Variants in KCNJ3 observed in about 807,000 individuals in gnomAD.
KCNJ3 encodes the protein G protein-activated inward rectifier potassium channel 1.
In KCNJ3, 4 loss-of-function variants were observed where a neutral mutation model predicts 39.2. The ratio of observed to expected loss-of-function variants is 0.10; its 90% CI spans 0.05 to 0.23. The LOEUF (loss-of-function observed/expected upper bound fraction) is 0.23. KCNJ3 is among the 10% of genes least tolerant of loss of function. The pLI, the probability that KCNJ3 is intolerant of heterozygous loss-of-function variation, is 1.00. For missense variants in KCNJ3, 276 were observed against 634.9 expected, an observed-to-expected ratio of 0.43 and a Z score of 6.08; for synonymous variants, 230 against 237.4, an observed-to-expected ratio of 0.97 and a Z score of 0.29.
intron 2 of KCNJ3, among the ~76,000 whole-genome samples, chr2:154,728,126 A>G (rs1480233056): frequency 6.6e-6 from 1 of 151,872 alleles, no homozygotes; most frequent in Admixed American, 6.6e-5. Flanking sequence ...TCTTCTTTTG[A>G]TTATATCAAA....
intron 2 of KCNJ3, among the ~76,000 whole-genome samples, chr2:154,799,262 C>T (rs1396776385): frequency 6.6e-6 from 1 of 152,078 alleles, no homozygotes; most frequent in Non-Finnish European, 1.5e-5. Context: ...CTCCCCGTAG[C>T]TGGGATAGCT....
intron 2 of KCNJ3, among the ~76,000 whole-genome samples, chr2:154,739,974 G>A (rs558242278): frequency 9.9e-4 from 150 of 152,036 alleles, no homozygotes; most frequent in Non-Finnish European, 1.8e-3. Context: ...GAGAAGCAGT[G>A]GGGTATAGAA....
intron 2 of KCNJ3, among the ~76,000 whole-genome samples, chr2:154,743,828 G>GT (rs1163508477): frequency 2.7e-5 from 4 of 150,388 alleles, no homozygotes; most frequent in Admixed American, 6.7e-5. Context: ...TTTTGTTTTT[G>GT]TTTTTTTTCT....
At chr2:154,752,383 A>T (rs1322930409) in intron 2 of KCNJ3, among the ~76,000 whole-genome samples, 1 of 152,060 alleles carries the variant, frequency 6.6e-6, no homozygotes, top group Non-Finnish European at 1.5e-5. Context: ...AGATGAATAT[A>T]TCTAAGAAAG....
At chr2:154,778,657 T>C (rs574756915) in intron 2 of KCNJ3, among the ~76,000 whole-genome samples, 1 of 152,320 alleles carries the variant, frequency 6.6e-6, no homozygotes, top group South Asian at 2.1e-4. Context: ...GGAACTGAGA[T>C]AATTTTTATT....
chr2:154,811,038 G>A (rs907569813), intron 2 of KCNJ3, among the ~76,000 whole-genome samples: 2 of 152,186 alleles, frequency 1.3e-5, no homozygotes, highest in Non-Finnish European at 2.9e-5. Context: ...GTTTGTTCCT[G>A]TGTGGGATAA....
At chr2:154,700,577 C>T (rs1357542789) in intron 1 of KCNJ3, among the ~76,000 whole-genome samples, 3 of 152,130 alleles carry the variant, frequency 2.0e-5, no homozygotes, top group Non-Finnish European at 4.4e-5. Flanking sequence ...AGAACTGAAG[C>T]CAGAGTCTGA....
chr2:154,815,076 T>C (rs1687060211), intron 2 of KCNJ3, among the ~76,000 whole-genome samples: 1 of 152,232 alleles, frequency 6.6e-6, no homozygotes, highest in South Asian at 2.1e-4. Context: ...TAGCTGCTCC[T>C]ATCCCTAGGA....
intron 1 of KCNJ3, chr2:154,709,295 A>T (rs1685064415): frequency 2.3e-5 from 9 of 395,162 alleles, no homozygotes; most frequent in South Asian, 1.7e-4. Flanking sequence ...AAGCAGCAGC[A>T]CATGCACACT....
At chr2:154,784,744 AG>A (rs1166837505) in intron 2 of KCNJ3, among the ~76,000 whole-genome samples, 1 of 152,210 alleles carries the variant, frequency 6.6e-6, no homozygotes, top group African/African-American at 2.4e-5. Flanking sequence ...TATTGGTTAA[AG>A]AACACAAGCA....
At chr2:154,717,507 G>A (rs1254203018) in intron 2 of KCNJ3, among the ~76,000 whole-genome samples, 1 of 152,126 alleles carries the variant, frequency 6.6e-6, no homozygotes, top group African/African-American at 2.4e-5. Context: ...TCAGCAACCT[G>A]TGACTGTTTA....
intron 2 of KCNJ3, among the ~76,000 whole-genome samples, chr2:154,714,972 G>A (rs1246216680): frequency 6.6e-6 from 1 of 151,206 alleles, no homozygotes; most frequent in African/African-American, 2.4e-5. Flanking sequence ...GGAGGTCAGG[G>A]AAGGCTGAGT....
intron 2 of KCNJ3, among the ~76,000 whole-genome samples, chr2:154,821,821 A>C (rs1344158362): frequency 1.3e-5 from 2 of 151,766 alleles, no homozygotes; most frequent in Non-Finnish European, 2.9e-5. Context: ...TTGTATTTTT[A>C]GTAGAGACCA....
intron 2 of KCNJ3, among the ~76,000 whole-genome samples, chr2:154,749,127 A>AG (rs1685795318): frequency 6.6e-6 from 1 of 152,122 alleles, no homozygotes; most frequent in Non-Finnish European, 1.5e-5. Flanking sequence ...CCTATGCAGA[A>AG]GTGAAGGTGT....
intron 2 of KCNJ3, among the ~76,000 whole-genome samples, chr2:154,791,888 C>T (rs889959096): frequency 5.9e-5 from 9 of 151,980 alleles, no homozygotes; most frequent in Admixed American, 4.6e-4. Flanking sequence ...CTAGTACAGG[C>T]GAGATTTTGT....
At chr2:154,770,246 ATCT>A (rs1558869672) in intron 2 of KCNJ3, among the ~76,000 whole-genome samples, 1 of 152,170 alleles carries the variant, frequency 6.6e-6, no homozygotes, top group Non-Finnish European at 1.5e-5. Flanking sequence ...CCTCTGAACA[ATCT>A]TCTTTGAAAT....
rs1223245472 is a variant in KCNJ3, at chr2:154,855,804, CATAT to C, written c.*496_*499del. The C allele has an allele frequency of 1.3e-5, 2 of 152,114 alleles. No individual in the cohort carries two copies. Among genetic ancestry groups the C allele is most frequent in the Admixed American group, 1.3e-4 (2 of 15,236 alleles). The allele number at this position is 152,114 out of a possible 1,614,324, so 9.4% of individuals were successfully genotyped here. A position where few individuals can be genotyped will look rare whatever the true frequency, so the allele number is the denominator to read the frequency against. On this transcript the variant is annotated 3_prime_UTR_variant, in exon 3 of 3. Coordinates refer to ENST00000295101, the MANE Select transcript of KCNJ3 (RefSeq NM_002239.4). ...ATACATACACATACATACATACATACATATATATCTGATAAAATTGTGATGTTTT... is the reference window on the plus strand; with the variant it reads ...ATACATACACATACATACATACATACATATCTGATAAAATTGTGATGTTTT...
At chr2:154,833,694 C>T (rs1687401499) in intron 2 of KCNJ3, among the ~76,000 whole-genome samples, 1 of 152,298 alleles carries the variant, frequency 6.6e-6, no homozygotes, top group East Asian at 1.9e-4. Flanking sequence ...TCTATCTATT[C>T]ATCCCTCCGT....
At position 154,724,917 on chromosome 2, in the gene KCNJ3, G is replaced by GTATATA. The variant is rs59124944; in HGVS notation, c.919+15113_919+15118dup. 1.1e-3 allele frequency among the ~76,000 whole-genome samples: 133 copies of GTATATA among 116,298 alleles called. 3 individuals carry two copies. Among genetic ancestry groups the GTATATA allele is most frequent in the Admixed American group, 2.2e-3 (26 of 11,822 alleles). 76.3% of individuals were successfully genotyped at this position (116,298 alleles called of 152,430 possible). A position where few individuals can be genotyped will look rare whatever the true frequency, so the allele number is the denominator to read the frequency against. On this transcript the variant is annotated intron_variant, in intron 2 of 2. Transcript: ENST00000295101. ...TGTATATATACAAGATACATATGAGGTATATATATATATATATATACCTTT... is the reference window on the plus strand; with the variant it reads ...TGTATATATACAAGATACATATGAGGTATATATATATATATATATATATATACCTTT...
Sources: allele counts gnomAD v4.1 joint callset (sites outside exome capture counted in the v4.1 genomes callset), GRCh38; gene constraint gnomAD v4.1.1; transcripts MANE v1.5; gene names NCBI Gene and HGNC (gene_info 2026-07-23, HGNC 2026-07-21).